ZFHX3: variants seen among roughly 807,000 people sequenced by gnomAD.
ZFHX3 encodes zinc finger homeobox 3.
A neutral mutation model predicts 279.1 loss-of-function variants in ZFHX3; 42 were observed. The observed-to-expected ratio is 0.15, with a 90% confidence interval of 0.12 to 0.19. ZFHX3 has a LOEUF of 0.19. Among genes scored for constraint, ZFHX3 ranks in the 10% least tolerant of loss-of-function variants. The probability of loss-of-function intolerance (pLI) is 1.00; values close to 1 mark genes in which losing one functional copy is unlikely to be tolerated. For synonymous variants in ZFHX3, 2,293 were observed against 1,957.8 expected (o/e 1.17, Z -4.52); for missense variants, 4,981 against 4,754.0 (o/e 1.05, Z -1.40).
intron 5 of ZFHX3, among the ~76,000 whole-genome samples, chr16:73,152,339 G>A (rs993529513): frequency 3.9e-5 from 6 of 152,166 alleles, no homozygotes; most frequent in Non-Finnish European, 8.8e-5. Context: ...TATCAAGGAA[G>A]ATTATTTTTA....
At chr16:73,840,940 T>G (rs1961288639) in intron 1 of ZFHX3, among the ~76,000 whole-genome samples, 1 of 152,078 alleles carries the variant, frequency 6.6e-6, no homozygotes, top group Non-Finnish European at 1.5e-5. Context: ...GGAATGAGAA[T>G]GCCTATCCCC....
intron 1 of ZFHX3, among the ~76,000 whole-genome samples, chr16:73,863,953 G>A (rs1026424190): frequency 5.9e-5 from 9 of 152,154 alleles, no homozygotes; most frequent in Non-Finnish European, 1.0e-4. Flanking sequence ...AGCAAGACAA[G>A]TACCCATCAC....
intron 2 of ZFHX3, among the ~76,000 whole-genome samples, chr16:73,564,897 A>G (rs749209450): frequency 6.6e-6 from 1 of 152,210 alleles, no homozygotes; most frequent in African/African-American, 2.4e-5. Context: ...CTTAGGAAAA[A>G]AGCAAACTGG....
chr16:73,550,773 T>G (rs1269986771), intron 2 of ZFHX3, among the ~76,000 whole-genome samples: 1 of 152,222 alleles, frequency 6.6e-6, no homozygotes, highest in Non-Finnish European at 1.5e-5. Context: ...CCCAGGGAAG[T>G]AGAGAAGAAT....
At chr16:73,733,394 CT>C (rs1308005638) in intron 1 of ZFHX3, among the ~76,000 whole-genome samples, 1 of 152,146 alleles carries the variant, frequency 6.6e-6, no homozygotes, top group African/African-American at 2.4e-5. Context: ...GATCAAATGA[CT>C]GGTTTTTCTC....
chr16:72,865,419 C>G (rs545749836), intron 4 of ZFHX3, among the ~76,000 whole-genome samples: 1 of 152,208 alleles, frequency 6.6e-6, no homozygotes. Flanking sequence ...ACCTTCATGG[C>G]GGCCCTGTGC....
At chr16:73,151,028 C>T (rs1293397264) in intron 5 of ZFHX3, among the ~76,000 whole-genome samples, 1 of 152,116 alleles carries the variant, frequency 6.6e-6, no homozygotes, top group African/African-American at 2.4e-5. Context: ...TAAATGAATG[C>T]TACCATGTAG....
chr16:73,522,848 G>C (rs1349758086), intron 2 of ZFHX3, among the ~76,000 whole-genome samples: 2 of 152,128 alleles, frequency 1.3e-5, no homozygotes, highest in Non-Finnish European at 2.9e-5. Flanking sequence ...TGGTGGAAGG[G>C]GAAGCAAACA....
At chr16:73,105,227 G>A (rs60998193) in intron 7 of ZFHX3, among the ~76,000 whole-genome samples, 5 of 149,616 alleles carry the variant, frequency 3.3e-5, no homozygotes, top group East Asian at 2.0e-4. Flanking sequence ...GCAACACAGC[G>A]AGACACTGTC....
intron 2 of ZFHX3, among the ~76,000 whole-genome samples, 175 bp downstream of exon 2, chr16:72,957,252 C>T (rs946135700): frequency 3.3e-5 from 5 of 152,180 alleles, no homozygotes; most frequent in Non-Finnish European, 7.4e-5. Context: ...TCCATATGTA[C>T]ACACACAGTT....
At chr16:73,889,628 C>A (rs969598293) in intron 1 of ZFHX3, among the ~76,000 whole-genome samples, 18 of 152,204 alleles carry the variant, frequency 1.2e-4, no homozygotes, top group Non-Finnish European at 1.9e-4. Context: ...CCAAAGGAGG[C>A]AAGTGGATTC....
At chr16:72,903,154 C>T (rs773199966) in intron 3 of ZFHX3, among the ~76,000 whole-genome samples, 7 of 152,098 alleles carry the variant, frequency 4.6e-5, no homozygotes, top group Admixed American at 4.6e-4. Flanking sequence ...TGCGAGAGTT[C>T]GAGGAGGGTG....
chr16:73,103,041 C>T (rs1373364154), intron 7 of ZFHX3, among the ~76,000 whole-genome samples: 1 of 152,150 alleles, frequency 6.6e-6, no homozygotes, highest in African/African-American at 2.4e-5. Context: ...TCTCCTGCCT[C>T]AGCCTCCTGA....
At chr16:73,749,939 C>A (rs1278832038) in intron 1 of ZFHX3, among the ~76,000 whole-genome samples, 1 of 152,162 alleles carries the variant, frequency 6.6e-6, no homozygotes, top group Non-Finnish European at 1.5e-5. Context: ...CCTTGGCCTC[C>A]CAAACCATAC....
chr16:72,986,966 C>T (rs544878778), intron 1 of ZFHX3, among the ~76,000 whole-genome samples: 7 of 152,150 alleles, frequency 4.6e-5, no homozygotes, highest in African/African-American at 1.2e-4. Context: ...GGTAACACGA[C>T]GAAAACAAAA....
intron 1 of ZFHX3, among the ~76,000 whole-genome samples, chr16:73,853,166 T>G (rs565441835): frequency 6.6e-6 from 1 of 152,252 alleles, no homozygotes; most frequent in Admixed American, 6.5e-5. Context: ...TGTTAAAAAC[T>G]TAAAAACAAT....
intron 4 of ZFHX3, among the ~76,000 whole-genome samples, chr16:73,285,859 A>G (rs971628893): frequency 6.6e-6 from 1 of 152,232 alleles, no homozygotes; most frequent in Non-Finnish European, 1.5e-5. Flanking sequence ...TATTAAAAAC[A>G]CACGCTTCCG....
intron 3 of ZFHX3, among the ~76,000 whole-genome samples, chr16:73,416,819 A>T (rs559198291): frequency 6.0e-5 from 9 of 149,226 alleles, no homozygotes; most frequent in African/African-American, 2.2e-4. Context: ...GCCTGCAGTG[A>T]GCCGAGATCG....
intron 7 of ZFHX3, among the ~76,000 whole-genome samples, chr16:73,105,370 C>CAT (rs60785275): frequency 8.0e-5 from 9 of 112,518 alleles, no homozygotes; most frequent in African/African-American, 2.6e-4. Context: ...TATATACACA[C>CAT]ATATATATAT....
Sources: allele counts gnomAD v4.1 joint callset (sites outside exome capture counted in the v4.1 genomes callset), GRCh38; gene constraint gnomAD v4.1.1; transcripts MANE v1.5; gene names NCBI Gene and HGNC (gene_info 2026-07-23, HGNC 2026-07-21).